THRB: variants seen among roughly 807,000 people sequenced by gnomAD.
THRB encodes the protein thyroid hormone receptor beta.
In THRB, 12 loss-of-function variants were observed where a neutral mutation model predicts 47.8. That is an observed-to-expected ratio of 0.25 (90% confidence interval 0.16 to 0.41). The LOEUF is 0.41. THRB is among the 10% of genes least tolerant of loss of function. The pLI, the probability that THRB is intolerant of heterozygous loss-of-function variation, is 1.00. For synonymous variants in THRB, 218 were observed against 212.2 expected (o/e 1.03, Z -0.24); for missense variants, 348 against 589.2 (o/e 0.59, Z 4.24).
At chr3:24,435,048 G>C (rs74529666) in intron 1 of THRB, among the ~76,000 whole-genome samples, 5,019 of 152,212 alleles carry the variant, frequency 0.033, 137 homozygotes, top group Non-Finnish European at 0.055. Flanking sequence ...TCTGGGAGAG[G>C]GGCTGTCAGA....
At chr3:24,371,363 C>T (rs1027949543) in intron 1 of THRB, among the ~76,000 whole-genome samples, 1 of 152,088 alleles carries the variant, frequency 6.6e-6, no homozygotes, top group Non-Finnish European at 1.5e-5. Context: ...TTAAACATAA[C>T]ATTATGTTTC....
intron 1 of THRB, among the ~76,000 whole-genome samples, chr3:24,355,290 C>CA (rs1269652698): frequency 2.6e-5 from 4 of 151,996 alleles, no homozygotes; most frequent in African/African-American, 9.7e-5. Flanking sequence ...TTGTATCCTC[C>CA]AAAAATACCA....
At chr3:24,476,966 A>G (rs1695552772) in intron 1 of THRB, among the ~76,000 whole-genome samples, 1 of 151,480 alleles carries the variant, frequency 6.6e-6, no homozygotes, top group African/African-American at 2.4e-5. Flanking sequence ...TGGCCAATAT[A>G]TAAAAAGAGA....
intron 4 of THRB, among the ~76,000 whole-genome samples, chr3:24,195,836 C>T (rs2043889731): frequency 1.3e-5 from 2 of 152,208 alleles, no homozygotes; most frequent in African/African-American, 4.8e-5. Flanking sequence ...TCACCAGCTC[C>T]CTGTCATTGA....
intron 1 of THRB, among the ~76,000 whole-genome samples, chr3:24,371,666 C>T (rs1207842898): frequency 1.3e-5 from 2 of 152,084 alleles, no homozygotes; most frequent in East Asian, 1.9e-4. Flanking sequence ...TTCAGCTCCT[C>T]ATGTGTGTTG....
At chr3:24,460,157 C>T (rs2073564827) in intron 1 of THRB, among the ~76,000 whole-genome samples, 1 of 152,152 alleles carries the variant, frequency 6.6e-6, no homozygotes, top group South Asian at 2.1e-4. Context: ...AATGTATTAT[C>T]TGGTGAACTC....
At chr3:24,452,058 A>G (rs1472405078) in intron 1 of THRB, among the ~76,000 whole-genome samples, 1 of 152,204 alleles carries the variant, frequency 6.6e-6, no homozygotes, top group African/African-American at 2.4e-5. Context: ...GCTGAGGACT[A>G]GCCCTTAGCT....
At chr3:24,390,797 A>AAAAT (rs5847290) in intron 1 of THRB, among the ~76,000 whole-genome samples, 28 of 137,862 alleles carry the variant, frequency 2.0e-4, no homozygotes, top group African/African-American at 6.2e-4. Flanking sequence ...AAAAAAAAAA[A>AAAAT]ATATATATAT....
chr3:24,194,101 C>G (rs780502924), intron 4 of THRB, among the ~76,000 whole-genome samples: 5 of 152,156 alleles, frequency 3.3e-5, no homozygotes, highest in African/African-American at 1.2e-4. Context: ...AAGAATGATA[C>G]ATTGGACTTT....
At chr3:24,147,912 A>G (rs113234798) in intron 6 of THRB, among the ~76,000 whole-genome samples, 118 of 152,290 alleles carry the variant, frequency 7.7e-4, no homozygotes, top group African/African-American at 2.7e-3. Flanking sequence ...GAAACCACCC[A>G]GCAATGACCC....
intron 1 of THRB, among the ~76,000 whole-genome samples, chr3:24,483,566 A>C (rs1470006177): frequency 6.6e-6 from 1 of 152,112 alleles, no homozygotes; most frequent in African/African-American, 2.4e-5. Flanking sequence ...AGTTCCCAAC[A>C]CTCTTTGCAT....
chr3:24,272,852 C>G (rs1161973526), intron 3 of THRB, among the ~76,000 whole-genome samples: 8 of 152,150 alleles, frequency 5.3e-5, no homozygotes, highest in Non-Finnish European at 5.9e-5. Context: ...TTCCTATGGT[C>G]TTTCCTCCTA....
chr3:24,124,534 T>C (rs957724550), intron 10 of THRB, among the ~76,000 whole-genome samples: 24 of 152,224 alleles, frequency 1.6e-4, no homozygotes, highest in African/African-American at 5.1e-4. Flanking sequence ...GTAAATGACA[T>C]AGCGAGTACA....
Position 24,335,873 on chromosome 3 carries a change from C to T in THRB, c.-189+1427G>A, listed in dbSNP as rs1041615457. Among the ~76,000 whole-genome samples the T allele has an allele frequency of 5.3e-5, 8 of 151,980 alleles. 1 individual carries two copies. The highest frequency in any genetic ancestry group is 4.1e-4 in the South Asian group (2 of 4,820). On this transcript the variant is annotated intron_variant, in intron 2 of 10. Coordinates refer to ENST00000646209, the MANE Select transcript of THRB (RefSeq NM_001354712.2). ...AAGAGTGTGCAAGTATTGGGAGGTG[C>T]CCCCAGTTTCCTGGTGGGAATGGAA...
At chr3:24,213,879 A>G (rs953457405) in intron 4 of THRB, among the ~76,000 whole-genome samples, 1 of 152,180 alleles carries the variant, frequency 6.6e-6, no homozygotes, top group East Asian at 1.9e-4. Flanking sequence ...AGACAGCTGC[A>G]TTTGTTCCCA....
chr3:24,476,449 C>T (rs1695461994), intron 1 of THRB, among the ~76,000 whole-genome samples: 1 of 152,104 alleles, frequency 6.6e-6, no homozygotes, highest in Non-Finnish European at 1.5e-5. Context: ...TTGCCATCTT[C>T]AATCAGAGGA....
chr3:24,329,493 C>A (rs1400508383), intron 2 of THRB, among the ~76,000 whole-genome samples: 1 of 152,188 alleles, frequency 6.6e-6, no homozygotes, highest in Admixed American at 6.5e-5. Context: ...ATATTTATAT[C>A]ATAACATGTA....
At chr3:24,415,812 T>C (rs1312788035) in intron 1 of THRB, among the ~76,000 whole-genome samples, 3 of 151,922 alleles carry the variant, frequency 2.0e-5, no homozygotes. Context: ...AAATACTGAA[T>C]GGCTAGTATC....
chr3:24,346,134 C>A (rs1338548737), intron 1 of THRB, among the ~76,000 whole-genome samples: 1 of 151,910 alleles, frequency 6.6e-6, no homozygotes, highest in Non-Finnish European at 1.5e-5. Context: ...CTACTTAAAA[C>A]AATAATTGTT....
Sources: gnomAD v4.1 joint callset for allele counts (sites outside exome capture counted in the v4.1 genomes callset) on GRCh38, gnomAD v4.1.1 for gene constraint, MANE v1.5 for transcripts, NCBI Gene and HGNC (gene_info 2026-07-23, HGNC 2026-07-21) for gene names.